Variants in TTC28 observed in about 807,000 individuals in gnomAD.
TTC28 encodes the protein tetratricopeptide repeat domain 28.
Under a neutral mutation model 198.0 loss-of-function variants are expected in TTC28, and 61 were observed. The observed-to-expected ratio is 0.31, with a 90% confidence interval of 0.25 to 0.38. The LOEUF (loss-of-function observed/expected upper bound fraction) is 0.38, where lower values mean the gene tolerates loss of function less well. TTC28 is among the 10% of genes least tolerant of loss of function. The pLI is 1.00. For synonymous variants in TTC28, 1,171 were observed against 1,297.8 expected (o/e 0.90, Z 2.10); for missense variants, 2,678 against 3,164.0 (o/e 0.85, Z 3.69).
chr22:28,026,189 G>T (rs962291763), intron 13 of TTC28, among the ~76,000 whole-genome samples: 1 of 152,216 alleles, frequency 6.6e-6, no homozygotes, highest in Non-Finnish European at 1.5e-5. Context: ...AGGGCAGAGG[G>T]GGAAGGGGGC....
chr22:28,096,548 G>A (rs1367644978), intron 10 of TTC28, 140 bp from the exon 11 acceptor site: 4 of 893,720 alleles, frequency 4.5e-6, no homozygotes, highest in Non-Finnish European at 6.8e-6. Context: ...CAGTCACACT[G>A]CTTCAGATTC....
intron 5 of TTC28, among the ~76,000 whole-genome samples, chr22:28,165,286 T>C (rs560325432): frequency 6.6e-6 from 1 of 152,268 alleles, no homozygotes; most frequent in African/African-American, 2.4e-5. Context: ...TTCTCCAATC[T>C]AGCAAGGCAG....
chr22:27,984,282 G>T (rs532742400), intron 22 of TTC28, among the ~76,000 whole-genome samples: 1 of 151,900 alleles, frequency 6.6e-6, no homozygotes, highest in Non-Finnish European at 1.5e-5. Flanking sequence ...TGGCATCACC[G>T]ACACTCGCTC....
intron 2 of TTC28, among the ~76,000 whole-genome samples, chr22:28,498,024 T>C (rs893202606): frequency 4.6e-5 from 7 of 151,690 alleles, no homozygotes; most frequent in Non-Finnish European, 8.8e-5. Context: ...TAGAGTCTTA[T>C]AAAGACACAA....
intron 1 of TTC28, among the ~76,000 whole-genome samples, chr22:28,642,547 A>T (rs1267226330): frequency 6.6e-6 from 1 of 152,240 alleles, no homozygotes; most frequent in East Asian, 1.9e-4. Flanking sequence ...ACCAGGCTGC[A>T]ACTATTCAAA....
chr22:28,008,470 G>C (rs1163978531), intron 14 of TTC28: 2 of 152,234 alleles, frequency 1.3e-5, no homozygotes, highest in African/African-American at 4.8e-5. Flanking sequence ...AGGTGAATGA[G>C]ATGTACTTTT....
At chr22:28,167,853 T>A (rs1279966914) in intron 5 of TTC28, among the ~76,000 whole-genome samples, 1 of 152,186 alleles carries the variant, frequency 6.6e-6, no homozygotes, top group Admixed American at 6.5e-5. Flanking sequence ...ATAAAGGGTA[T>A]TCAATTAGGA....
chr22:28,332,656 C>T (rs1177703303), intron 2 of TTC28, among the ~76,000 whole-genome samples: 1 of 152,118 alleles, frequency 6.6e-6, no homozygotes, highest in African/African-American at 2.4e-5. Flanking sequence ...ACAATAGGCT[C>T]AGAGCAATGA....
intron 12 of TTC28, among the ~76,000 whole-genome samples, chr22:28,051,122 T>C (rs528794914): frequency 2.0e-5 from 3 of 152,284 alleles, no homozygotes; most frequent in East Asian, 1.9e-4. Context: ...ATTTTTCATA[T>C]GGGATGTGGT....
intron 6 of TTC28, among the ~76,000 whole-genome samples, chr22:28,150,227 G>A: frequency 6.6e-6 from 1 of 152,094 alleles, no homozygotes; most frequent in East Asian, 1.9e-4. Context: ...AGATCAAGAA[G>A]CAGAACATTA....
intron 6 of TTC28, among the ~76,000 whole-genome samples, chr22:28,161,402 T>C (rs1406782404): frequency 6.6e-6 from 1 of 152,100 alleles, no homozygotes; most frequent in Non-Finnish European, 1.5e-5. Flanking sequence ...CTGGGCATGG[T>C]GGCTGATGCC....
Position 28,493,768 on chromosome 22 carries a change from T to A in TTC28, c.381+135784A>T, listed in dbSNP as rs149100438. ...TATGCTTCTGACAAGGCATCTAATT[T>A]CCCTATCAGTTTCTAGGAAATAGAA... On this transcript the variant is annotated intron_variant, in intron 2 of 22. Coordinates refer to ENST00000397906, the MANE Select transcript of TTC28 (RefSeq NM_001145418.2). Among the ~76,000 whole-genome samples, 1,156 of 152,280 alleles carry A rather than the reference T, an allele frequency of 7.6e-3. 56 individuals are homozygous for A. The highest frequency in any genetic ancestry group is 0.069 in the Admixed American group (1,049 of 15,294).
intron 2 of TTC28, among the ~76,000 whole-genome samples, chr22:28,614,977 C>A (rs192110750): frequency 6.6e-6 from 1 of 151,874 alleles, no homozygotes; most frequent in Admixed American, 6.6e-5. Context: ...TTCTGCACAG[C>A]AAAAAGAAAC....
chr22:28,086,544 G>A (rs1555913036), intron 12 of TTC28, among the ~76,000 whole-genome samples: 1 of 152,064 alleles, frequency 6.6e-6, no homozygotes, highest in Non-Finnish European at 1.5e-5. Context: ...AGCACTAAAT[G>A]CCCACAAGAG....
chr22:28,377,033 T>C (rs1165805317), intron 2 of TTC28, among the ~76,000 whole-genome samples: 1 of 151,168 alleles, frequency 6.6e-6, no homozygotes, highest in Non-Finnish European at 1.5e-5. Flanking sequence ...ATGTAATACA[T>C]AGGACGTAAC....
At chr22:28,378,469 G>GA (rs2046446763) in intron 2 of TTC28, among the ~76,000 whole-genome samples, 1 of 151,808 alleles carries the variant, frequency 6.6e-6, no homozygotes, top group South Asian at 2.1e-4. Context: ...AGACCAGCCT[G>GA]GGCAACATAG....
intron 2 of TTC28, among the ~76,000 whole-genome samples, chr22:28,479,120 T>C (rs1339913308): frequency 1.3e-5 from 2 of 151,970 alleles, no homozygotes; most frequent in Non-Finnish European, 2.9e-5. Flanking sequence ...AAGTTTCAAA[T>C]GCACAAGTGA....
intron 2 of TTC28, among the ~76,000 whole-genome samples, chr22:28,581,278 T>C (rs1457826177): frequency 6.6e-6 from 1 of 152,202 alleles, no homozygotes; most frequent in Non-Finnish European, 1.5e-5. Context: ...GCTATGATTC[T>C]AAGTTTCCTG....
At chr22:28,257,378 G>T (rs1007177154) in intron 5 of TTC28, among the ~76,000 whole-genome samples, 2 of 152,026 alleles carry the variant, frequency 1.3e-5, no homozygotes, top group Admixed American at 6.6e-5. Context: ...TAATGAATGA[G>T]TAAAGAAAAC....
Sources: gnomAD v4.1 joint callset for allele counts (sites outside exome capture counted in the v4.1 genomes callset) on GRCh38, gnomAD v4.1.1 for gene constraint, MANE v1.5 for transcripts, NCBI Gene and HGNC (gene_info 2026-07-23, HGNC 2026-07-21) for gene names.